Variants in ANK3 observed in about 807,000 individuals in gnomAD.
The protein encoded by ANK3 is ankyrin 3, also known as ankyrin-3.
A neutral mutation model predicts 370.9 loss-of-function variants in ANK3; 57 were observed. That is an observed-to-expected ratio of 0.15 (90% confidence interval 0.12 to 0.19). The LOEUF (loss-of-function observed/expected upper bound fraction) is 0.19. Among genes scored for constraint, ANK3 ranks in the 10% least tolerant of loss-of-function variants. ANK3 has a pLI of 1.00. For missense variants in ANK3, 4,439 were observed against 5,302.1 expected (o/e 0.84, Z 5.06); for synonymous variants, 1,929 against 1,946.3 (o/e 0.99, Z 0.23).
At chr10:60,033,984 C>G (rs1182573662) in intron 43 of ANK3, among the ~76,000 whole-genome samples, 2 of 149,548 alleles carry the variant, frequency 1.3e-5, no homozygotes, top group Admixed American at 1.3e-4. Context: ...GTCAAATGTT[C>G]TGGAACAGTG....
chr10:60,717,769 A>G (rs1351684552), intron 1 of ANK3, among the ~76,000 whole-genome samples: 3 of 152,244 alleles, frequency 2.0e-5, no homozygotes, highest in Non-Finnish European at 2.9e-5. Flanking sequence ...GAAAGGTTTG[A>G]AAGTTACCAA....
At chr10:60,674,917 T>TA (rs1327451678) in intron 1 of ANK3, among the ~76,000 whole-genome samples, 1 of 151,966 alleles carries the variant, frequency 6.6e-6, no homozygotes, top group African/African-American at 2.4e-5. Flanking sequence ...GTAAGCCAAT[T>TA]AAAAAAAAGA....
At position 60,134,287 on chromosome 10, in the gene ANK3, A is replaced by G. The variant is rs2094230745; in HGVS notation, c.2825T>C (p.Val942Ala). The G allele has an allele frequency of 1.2e-6, 2 of 1,613,732 alleles. No individual in the cohort carries two copies. Among genetic ancestry groups the G allele is most frequent in the African/African-American group, 2.7e-5 (2 of 74,928 alleles). The change falls in exon 25 of 44, where the codon GTG (valine) becomes GCG (alanine). Residue 942 changes from valine to alanine, a missense_variant. By Grantham distance (64) the Val-to-Ala change is moderately conservative (BLOSUM62 0). Coordinates refer to ENST00000280772, the MANE Select transcript of ANK3 (RefSeq NM_020987.5). ...AATGCATACCTGCTCTTTGGATGGC[A>G]CAAGGAGTTCTTCAATCATCATGCT... ...RDSMMIEELL[V>A]PSKEQHLTFT...
intron 2 of ANK3, among the ~76,000 whole-genome samples, chr10:60,496,010 C>A (rs1328566511): frequency 6.6e-6 from 1 of 151,074 alleles, no homozygotes; most frequent in African/African-American, 2.4e-5. Flanking sequence ...TTTCCAATGT[C>A]AAGAATGGCA....
intron 1 of ANK3, among the ~76,000 whole-genome samples, chr10:60,696,190 A>G (rs2079446812): frequency 6.7e-6 from 1 of 150,112 alleles, no homozygotes; most frequent in African/African-American, 2.5e-5. Context: ...CACTCTCCCA[A>G]GACTAAACCA....
intron 2 of ANK3, among the ~76,000 whole-genome samples, chr10:60,574,658 G>A (rs926082498): frequency 9.9e-5 from 15 of 152,108 alleles, no homozygotes; most frequent in African/African-American, 3.1e-4. Context: ...TGCTTCTACC[G>A]CTCATTGACT....
intron 1 of ANK3, among the ~76,000 whole-genome samples, chr10:60,618,498 T>C (rs1477209516): frequency 6.6e-6 from 1 of 152,070 alleles, no homozygotes; most frequent in Non-Finnish European, 1.5e-5. Context: ...AATAAAAAAC[T>C]CTCATAGCTT....
chr10:60,203,108 GA>G lies in ANK3; in HGVS notation c.1294-9del, dbSNP rs1159365955. The G allele has an allele frequency of 1.2e-6, 2 of 1,603,864 alleles. No individual in the cohort carries two copies. Among genetic ancestry groups the G allele is most frequent in the Non-Finnish European group, 1.7e-6 (2 of 1,172,628 alleles). ...GATTGGGGTAAGGCCCGACTAAGGG[GA>G]AAAGAAGAAAATGGTGGTTTGTTGG... On this transcript the variant is annotated splice_polypyrimidine_tract_variant and intron_variant, in intron 11 of 43. Transcript: ENST00000280772.
intron 2 of ANK3, among the ~76,000 whole-genome samples, chr10:60,541,327 A>G (rs546783955): frequency 6.6e-6 from 1 of 152,130 alleles, no homozygotes; most frequent in South Asian, 2.1e-4. Context: ...ATTTCTTGCT[A>G]GTAGGCATCA....
intron 1 of ANK3, among the ~76,000 whole-genome samples, chr10:60,709,516 T>A (rs919663022): frequency 1.3e-5 from 2 of 152,158 alleles, no homozygotes; most frequent in South Asian, 4.1e-4. Flanking sequence ...ATGTCATATG[T>A]ATTATGTACT....
At chr10:60,658,236 C>A (rs778532186) in intron 1 of ANK3, among the ~76,000 whole-genome samples, 104 of 151,454 alleles carry the variant, frequency 6.9e-4, no homozygotes, top group Non-Finnish European at 1.2e-3. Context: ...AAAAAAATGT[C>A]TCATCCTTTT....
At chr10:60,617,309 C>CT (rs149083066) in intron 1 of ANK3, among the ~76,000 whole-genome samples, 16,088 of 151,124 alleles carry the variant, frequency 0.11, 1,231 homozygotes, top group East Asian at 0.27. Flanking sequence ...TTACCCTTGG[C>CT]TTTTTTTTTA....
At chr10:60,684,887 C>T in intron 1 of ANK3, 1 of 1,492,124 alleles carries the variant, frequency 6.7e-7, no homozygotes, top group Non-Finnish European at 9.2e-7. Context: ...CAAGGAGTCC[C>T]TGTACTTACA....
At chr10:60,294,579 C>G (rs578001541) in intron 1 of ANK3, among the ~76,000 whole-genome samples, 1 of 152,132 alleles carries the variant, frequency 6.6e-6, no homozygotes, top group Non-Finnish European at 1.5e-5. Flanking sequence ...GTTCTTTTCA[C>G]TTAAAATGTT....
chr10:60,298,698 T>C lies in ANK3; in HGVS notation c.115-19059A>G, dbSNP rs145780270. Among the ~76,000 whole-genome samples, 555 of 152,318 alleles carry C rather than the reference T, an allele frequency of 3.6e-3. 3 individuals are homozygous for C. The highest frequency in any genetic ancestry group is 4.7e-3 in the Non-Finnish European group (317 of 68,010). ...TCAAATGCTTTCACCATTTAGTTGA[T>C]ATATTCTGACAGGAGGCAGAAACAA... On this transcript the variant is annotated intron_variant, in intron 1 of 43. Coordinates refer to ENST00000280772, the MANE Select transcript of ANK3 (RefSeq NM_020987.5).
At chr10:60,273,465 C>A (rs2098033718) in intron 4 of ANK3, among the ~76,000 whole-genome samples, 1 of 150,698 alleles carries the variant, frequency 6.6e-6, no homozygotes, top group African/African-American at 2.5e-5. Context: ...TTTCATCACC[C>A]CAAAAAGAAG....
intron 1 of ANK3, among the ~76,000 whole-genome samples, chr10:60,376,641 A>G (rs1009851766): frequency 1.3e-5 from 2 of 152,164 alleles, no homozygotes; most frequent in Non-Finnish European, 2.9e-5. Context: ...GAAAATCAAG[A>G]CCAGCACTTG....
intron 1 of ANK3, among the ~76,000 whole-genome samples, chr10:60,652,941 G>A (rs889871928): frequency 6.6e-6 from 1 of 152,052 alleles, no homozygotes; most frequent in Non-Finnish European, 1.5e-5. Flanking sequence ...CACCACTCAC[G>A]ATGGTGAGCC....
intron 2 of ANK3, among the ~76,000 whole-genome samples, chr10:60,446,594 T>C (rs202229809): frequency 6.6e-6 from 1 of 152,210 alleles, no homozygotes; most frequent in African/African-American, 2.4e-5. Context: ...TTTATCTCTC[T>C]CCTTGTTTGT....
Sources: allele counts gnomAD v4.1 joint callset (sites outside exome capture counted in the v4.1 genomes callset), GRCh38; gene constraint gnomAD v4.1.1; transcripts MANE v1.5; gene names NCBI Gene and HGNC (gene_info 2026-07-23, HGNC 2026-07-21).